CCAR1: variants seen among roughly 807,000 people sequenced by gnomAD.
CCAR1 encodes the protein cell division cycle and apoptosis regulator 1.
Under a neutral mutation model 163.8 loss-of-function variants are expected in CCAR1, and 78 were observed. That is an observed-to-expected ratio of 0.48 (90% CI 0.40 to 0.57). CCAR1 has a LOEUF of 0.57. Among genes scored for constraint, CCAR1 ranks in the 20% least tolerant of loss-of-function variants. The pLI is 0.00. For synonymous variants in CCAR1, 443 were observed against 460.7 expected, an observed-to-expected ratio of 0.96 and a Z score of 0.49; for missense variants, 1,019 against 1,365.2, an observed-to-expected ratio of 0.75 and a Z score of 4.00.
chr10:68,757,254 G>T (rs964431968), intron 14 of CCAR1, 40 bp from the exon 15 acceptor site: 10 of 995,422 alleles, frequency 1.0e-5, no homozygotes, highest in Admixed American at 2.0e-5. Context: ...TTATTTTAAG[G>T]TTTCATAATA....
At chr10:68,785,422 A>G (rs952031450) in intron 19 of CCAR1, among the ~76,000 whole-genome samples, 6 of 150,266 alleles carry the variant, frequency 4.0e-5, no homozygotes, top group African/African-American at 1.5e-4. Context: ...GAGTTTTGCC[A>G]TGTTGCACTG....
intron 4 of CCAR1, among the ~76,000 whole-genome samples, chr10:68,740,155 A>G (rs912314652): frequency 6.6e-6 from 1 of 152,204 alleles, no homozygotes; most frequent in African/African-American, 2.4e-5. Flanking sequence ...TCATTTCTGT[A>G]GCATGGTAAT....
chr10:68,771,115 T>C, intron 17 of CCAR1, 91 bp from the exon 18 acceptor site: 2 of 1,104,886 alleles, frequency 1.8e-6, no homozygotes, highest in Non-Finnish European at 2.6e-6. Flanking sequence ...ATAATCGTTG[T>C]ATGTGGCAAG....
At position 68,771,208 on chromosome 10, in the gene CCAR1, T is replaced by G; in HGVS notation, c.2301T>G (p.Val767=). The change falls in exon 18 of 25, where the codon GTT becomes GTG. Residue 767 remains valine (V), a splice_region_variant and synonymous_variant. Coordinates refer to ENST00000265872, the MANE Select transcript of CCAR1 (RefSeq NM_018237.4). ...TTCATGTTGATATCTTTTTATAGGT[T>G]TCATTGTTTGCGGAACTTTTCAACG... ...LEDNKEHSFE[V]SLFAELFNEM... The G allele has an allele frequency of 6.3e-7, 1 of 1,584,934 alleles. No individual in the cohort carries two copies. The highest frequency in any genetic ancestry group is 8.5e-7 in the Non-Finnish European group (1 of 1,171,728).
At chr10:68,760,969 CTT>C (rs78712089) in intron 15 of CCAR1, 36 bp from the exon 16 acceptor site, 5 of 1,069,500 alleles carry the variant, frequency 4.7e-6, no homozygotes, top group Non-Finnish European at 5.1e-6. Context: ...CCCCCGCCAC[CTT>C]TTTTTTTTCC....
At chr10:68,763,715 T>C (rs1033511573) in intron 16 of CCAR1, among the ~76,000 whole-genome samples, 1 of 152,224 alleles carries the variant, frequency 6.6e-6, no homozygotes, top group African/African-American at 2.4e-5. Flanking sequence ...CCCAAAGTGC[T>C]GGGATTACAG....
At chr10:68,754,882 C>A in intron 12 of CCAR1, 55 bp downstream of exon 12, 1 of 940,638 alleles carries the variant, frequency 1.1e-6, no homozygotes, top group Non-Finnish European at 1.7e-6. Context: ...TTAGCTGTAA[C>A]TTTGTACACA....
intron 12 of CCAR1, 39 bp from the exon 13 acceptor site, chr10:68,755,331 G>T (rs183514296): frequency 1.3e-6 from 2 of 1,552,762 alleles, no homozygotes; most frequent in Admixed American, 1.7e-5. Flanking sequence ...ATTTGACAGG[G>T]TGCGTAATAT....
In CCAR1 at chr10:68,756,509, A is replaced by G. The variant is rs750781088; in HGVS notation, c.1836+26A>G. The stretch of plus-strand genomic sequence containing the variant: ...GCACTGAACGCTAATCCCTTTTTCT[A>G]TTTCCGCTTCTCACAGGCACAGGAA... On this transcript the variant is annotated intron_variant, in intron 14 of 24. Transcript: ENST00000265872. This position sits in a 1 kb window ranked among gnomAD's most constrained non-coding sequence, Gnocchi z 5.1. The G allele has an allele frequency of 9.0e-6, 14 of 1,553,458 alleles. No homozygotes were observed. In the South Asian group the frequency reaches 1.3e-4, roughly 14 times the overall value.
At chr10:68,747,681 C>T in intron 8 of CCAR1, 115 bp downstream of exon 8, 1 of 879,206 alleles carries the variant, frequency 1.1e-6, no homozygotes, top group Non-Finnish European at 1.8e-6. Context: ...GCCTAAAAAT[C>T]CTGAATAGGA....
rs1208962623 is a variant in CCAR1, at chr10:68,791,404, ATGAATG to A, written c.*142_*147del. On this transcript the variant is annotated 3_prime_UTR_variant, in exon 25 of 25. Coordinates refer to ENST00000265872, the MANE Select transcript of CCAR1 (RefSeq NM_018237.4). ...TAGTTCAAATGATGTATAAAGTTTTATGAATGTGAGTTTCTGCTTTTGAAAATTGCT... is the reference window on the plus strand; with the variant it reads ...TAGTTCAAATGATGTATAAAGTTTTATGAGTTTCTGCTTTTGAAAATTGCT... The A allele has an allele frequency of 2.0e-6, 1 of 502,578 alleles. No homozygotes were observed. Among genetic ancestry groups the A allele is most frequent in the Non-Finnish European group, 3.5e-6 (1 of 289,424 alleles). 31.1% of individuals were successfully genotyped at this position (502,578 alleles called of 1,614,324 possible). A position where few individuals can be genotyped will look rare whatever the true frequency, so the allele number is the denominator to read the frequency against.
intron 16 of CCAR1, among the ~76,000 whole-genome samples, chr10:68,763,242 C>G (rs1048429040): frequency 1.3e-5 from 2 of 152,078 alleles, no homozygotes; most frequent in African/African-American, 4.8e-5. Context: ...CCTCTGCCTC[C>G]TGGGTTCAAG....
chr10:68,723,928 G>T (rs1589149621), intron 2 of CCAR1, among the ~76,000 whole-genome samples: 1 of 152,024 alleles, frequency 6.6e-6, no homozygotes, highest in East Asian at 1.9e-4. Flanking sequence ...GGAGGCTGAG[G>T]TGGGTGGATC....
At position 68,791,335 on chromosome 10, in the gene CCAR1, T is replaced by C. The variant is rs2056850099; in HGVS notation, c.*69T>C. ...ATATAAAAATCATGATATAAGAATG[T>C]TTGAAGGTGATGCATGTTTGATTTT... is the stretch of plus-strand genomic sequence containing the variant. On this transcript the variant is annotated 3_prime_UTR_variant, in exon 25 of 25. Transcript: ENST00000265872. 7 of 1,076,510 alleles carry C rather than the reference T, an allele frequency of 6.5e-6. No individual in the cohort carries two copies. Among genetic ancestry groups the C allele is most frequent in the Non-Finnish European group, 9.6e-6 (7 of 729,136 alleles). The allele number at this position is 1,076,510 out of a possible 1,614,324, so 66.7% of individuals were successfully genotyped here.
At chr10:68,734,215 C>T (rs753059664) in intron 2 of CCAR1, among the ~76,000 whole-genome samples, 3 of 152,036 alleles carry the variant, frequency 2.0e-5, no homozygotes, top group Non-Finnish European at 4.4e-5. Flanking sequence ...TTATAAAGCA[C>T]AAATTGTTCT....
chr10:68,789,591 C>T (rs752532332), intron 23 of CCAR1, 119 bp from the exon 24 acceptor site: 24 of 628,262 alleles, frequency 3.8e-5, no homozygotes, highest in Non-Finnish European at 6.4e-5. Context: ...AATTGACAGA[C>T]ATTGCCATTT....
At chr10:68,780,561 G>A (rs547609245) in intron 19 of CCAR1, among the ~76,000 whole-genome samples, 32 of 152,252 alleles carry the variant, frequency 2.1e-4, no homozygotes, top group South Asian at 6.2e-4. Flanking sequence ...TACCATACAA[G>A]TAGACACTTT....
chr10:68,744,522 A>G (rs2056227154), intron 6 of CCAR1, among the ~76,000 whole-genome samples: 1 of 152,336 alleles, frequency 6.6e-6, no homozygotes, highest in East Asian at 1.9e-4. Context: ...ATGGACTGAC[A>G]TTCAAAATAA....
At chr10:68,781,482 G>A (rs965307015) in intron 19 of CCAR1, among the ~76,000 whole-genome samples, 8 of 152,070 alleles carry the variant, frequency 5.3e-5, no homozygotes, top group Non-Finnish European at 1.0e-4. Context: ...TGCAGGTTGC[G>A]GTGAGCTGAG....
Sources: allele counts gnomAD v4.1 joint callset (sites outside exome capture counted in the v4.1 genomes callset), GRCh38; gene constraint gnomAD v4.1.1; non-coding constraint Gnocchi (gnomAD v3.1); transcripts MANE v1.5; gene names NCBI Gene and HGNC (gene_info 2026-07-23, HGNC 2026-07-21).